Variants in NRXN1 observed in about 807,000 individuals in gnomAD.
The protein encoded by NRXN1 is neurexin 1.
Under a neutral mutation model 150.9 loss-of-function variants are expected in NRXN1, and 39 were observed. The ratio of observed to expected loss-of-function variants is 0.26; its 90% CI spans 0.20 to 0.34. The LOEUF is 0.34. NRXN1 is among the 10% of genes least tolerant of loss of function. NRXN1 has a pLI of 1.00. For missense variants in NRXN1, 1,815 were observed against 1,949.9 expected (o/e 0.93, Z 1.30); for synonymous variants, 924 against 757.0 (o/e 1.22, Z -3.62).
intron 15 of NRXN1, among the ~76,000 whole-genome samples, chr2:50,491,656 G>T (rs574062730): frequency 6.6e-6 from 1 of 152,150 alleles, no homozygotes; most frequent in Admixed American, 6.5e-5. Flanking sequence ...AAAGGACAAA[G>T]TACTGCCTGG....
chr2:50,747,031 T>C (rs1459081597), intron 5 of NRXN1, among the ~76,000 whole-genome samples: 2 of 152,118 alleles, frequency 1.3e-5, no homozygotes, highest in Non-Finnish European at 2.9e-5. Context: ...TATATTTAAA[T>C]GCAAAAATGA....
intron 5 of NRXN1, among the ~76,000 whole-genome samples, chr2:50,855,768 C>T (rs983462649): frequency 6.6e-6 from 1 of 152,018 alleles, no homozygotes; most frequent in Non-Finnish European, 1.5e-5. Context: ...GAATATCTTA[C>T]TATGTCCACT....
intron 2 of NRXN1, among the ~76,000 whole-genome samples, chr2:50,940,481 A>G (rs1161358143): frequency 6.6e-6 from 1 of 151,702 alleles, no homozygotes; most frequent in Non-Finnish European, 1.5e-5. Flanking sequence ...CTCAAAAAAA[A>G]AAAAAAAAGA....
Position 49,922,093 on chromosome 2 carries a change from C to A in NRXN1, c.4375G>T (p.Asp1459Tyr). 6.2e-7 allele frequency: 1 copy of A among 1,614,114 alleles called. No individual in the cohort carries two copies. Among genetic ancestry groups the A allele is most frequent in the Non-Finnish European group, 8.5e-7 (1 of 1,180,030 alleles). ...LYAMYKYRNRDEGSYHVDESR... is the reference protein window; with the variant it reads ...LYAMYKYRNRYEGSYHVDESR... ...TCGTCCACATGGTATGAGCCTTCATCCCGGTTTCTGTACTTGTACATGGCA... is the reference window on the plus strand; with the variant it reads ...TCGTCCACATGGTATGAGCCTTCATACCGGTTTCTGTACTTGTACATGGCA... Residue 1459 changes from aspartate (D) to tyrosine (Y), a missense_variant, in exon 23 of 23, where the codon GAT becomes TAT. Around this residue, in one of 6 missense-constraint regions of NRXN1, gnomAD observed 265 missense variants for 307.1 expected, o/e 0.86. Coordinates refer to ENST00000401669, the MANE Select transcript of NRXN1 (RefSeq NM_001330078.2).
chr2:50,646,896 C>G (rs943920427), intron 5 of NRXN1, among the ~76,000 whole-genome samples: 4 of 151,770 alleles, frequency 2.6e-5, no homozygotes, highest in African/African-American at 9.7e-5. Context: ...AGGAACAGGA[C>G]AGGAGACAGG....
chr2:50,119,737 C>T (rs896684), intron 18 of NRXN1, among the ~76,000 whole-genome samples: 39,411 of 152,026 alleles, frequency 0.26, 5,540 homozygotes, highest in Admixed American at 0.39. Flanking sequence ...TAAAGCCTCC[C>T]GGTTCACCCA....
chr2:50,742,768 C>A (rs1025294953), intron 5 of NRXN1, among the ~76,000 whole-genome samples: 1 of 152,068 alleles, frequency 6.6e-6, no homozygotes, highest in Non-Finnish European at 1.5e-5. Context: ...ATGGTAACTG[C>A]TACTATTAAT....
intron 8 of NRXN1, among the ~76,000 whole-genome samples, chr2:50,601,130 T>C (rs975764274): frequency 6.6e-6 from 1 of 152,196 alleles, no homozygotes; most frequent in Non-Finnish European, 1.5e-5. Context: ...CCTTAATTTA[T>C]TCACCTATTT....
rs200576486 is a variant in NRXN1, at chr2:51,027,958, C to G, written c.316G>C (p.Asp106His). 5 of 1,602,384 alleles carry G rather than the reference C, an allele frequency of 3.1e-6. No homozygotes were observed. In the African/African-American group the frequency reaches 5.3e-5, roughly 17 times the overall value. Reference protein sequence around the residue: ...FCAEPATLLADTPVNDGAWHS... With the variant: ...FCAEPATLLAHTPVNDGAWHS... Reference sequence around the variant, plus strand: ...CAGGCGCCGTCGTTAACCGGCGTGTCGGCCAGGAGCGTCGCAGGCTCAGCG... The same window carrying G: ...CAGGCGCCGTCGTTAACCGGCGTGTGGGCCAGGAGCGTCGCAGGCTCAGCG... Residue 106 changes from aspartate (D) to histidine (H), a missense_variant, in exon 2 of 23, where the codon GAC becomes CAC. Coordinates refer to ENST00000401669, the MANE Select transcript of NRXN1 (RefSeq NM_001330078.2).
At chr2:50,179,772 A>G (rs1188495100) in intron 18 of NRXN1, among the ~76,000 whole-genome samples, 1 of 152,156 alleles carries the variant, frequency 6.6e-6, no homozygotes, top group Non-Finnish European at 1.5e-5. Context: ...TCTTAAAGAA[A>G]AAAAATGTGG....
intron 17 of NRXN1, among the ~76,000 whole-genome samples, chr2:50,354,487 T>C (rs2078642106): frequency 6.7e-6 from 1 of 148,782 alleles, no homozygotes; most frequent in Admixed American, 6.8e-5. Flanking sequence ...GCATTTAAAA[T>C]ACAATAGTGC....
chr2:50,142,456 G>C (rs72881242), intron 18 of NRXN1, among the ~76,000 whole-genome samples: 32,516 of 151,782 alleles, frequency 0.21, 4,180 homozygotes, highest in East Asian at 0.37. Context: ...AGCTAGAAGA[G>C]AGGATTTGAA....
intron 5 of NRXN1, among the ~76,000 whole-genome samples, chr2:50,751,045 G>T (rs1232035023): frequency 6.6e-6 from 1 of 151,952 alleles, no homozygotes; most frequent in Non-Finnish European, 1.5e-5. Flanking sequence ...GGAAGAGGAG[G>T]TAGTGTCAGT....
chr2:49,925,359 A>C (rs1165433612), intron 22 of NRXN1, among the ~76,000 whole-genome samples: 1 of 152,020 alleles, frequency 6.6e-6, no homozygotes, highest in African/African-American at 2.4e-5. Context: ...ATAACAGGCC[A>C]AAGAGATTTA....
intron 17 of NRXN1, among the ~76,000 whole-genome samples, chr2:50,360,406 G>T (rs1285129337): frequency 6.6e-6 from 1 of 152,128 alleles, no homozygotes; most frequent in Non-Finnish European, 1.5e-5. Context: ...ATAAAATGAT[G>T]GAGGAAGATT....
chr2:50,880,383 C>T (rs1679252714), intron 5 of NRXN1, among the ~76,000 whole-genome samples: 1 of 151,876 alleles, frequency 6.6e-6, no homozygotes, highest in African/African-American at 2.4e-5. Context: ...AATTAAACCT[C>T]AGAAAATAAA....
intron 18 of NRXN1, among the ~76,000 whole-genome samples, chr2:50,209,091 C>T (rs2062826285): frequency 6.6e-6 from 1 of 152,060 alleles, no homozygotes; most frequent in African/African-American, 2.4e-5. Flanking sequence ...GGACCAAGAA[C>T]ACAAGGTTGT....
intron 5 of NRXN1, among the ~76,000 whole-genome samples, chr2:50,723,117 T>C (rs900761553): frequency 3.3e-5 from 5 of 152,104 alleles, no homozygotes; most frequent in African/African-American, 1.2e-4. Flanking sequence ...GTGACTTCTA[T>C]TCTCTCAGCC....
chr2:50,774,249 A>G (rs1574429612), intron 5 of NRXN1, among the ~76,000 whole-genome samples: 1 of 152,296 alleles, frequency 6.6e-6, no homozygotes, highest in African/African-American at 2.4e-5. Flanking sequence ...TTAAAACAAC[A>G]ACAACAAAAA....
Sources: allele counts gnomAD v4.1 joint callset (sites outside exome capture counted in the v4.1 genomes callset), GRCh38; gene constraint gnomAD v4.1.1; regional missense constraint gnomAD v4.1.1; transcripts MANE v1.5; gene names NCBI Gene and HGNC (gene_info 2026-07-23, HGNC 2026-07-21).